Variants in PAK5 observed in about 807,000 individuals in gnomAD.
PAK5 encodes p21 (RAC1) activated kinase 5.
A neutral mutation model predicts 65.9 loss-of-function variants in PAK5; 16 were observed. That is an observed-to-expected ratio of 0.24 (90% confidence interval 0.16 to 0.37). The LOEUF is 0.37. PAK5 is among the 10% of genes least tolerant of loss of function. The probability of loss-of-function intolerance (pLI) is 1.00; values close to 1 mark genes in which losing one functional copy is unlikely to be tolerated. For missense variants in PAK5, 785 were observed against 903.9 expected (o/e 0.87, Z 1.69); for synonymous variants, 371 against 354.9 (o/e 1.05, Z -0.51).
At chr20:9,690,157 AAAG>A (rs2047772947) in intron 2 of PAK5, among the ~76,000 whole-genome samples, 1 of 152,206 alleles carries the variant, frequency 6.6e-6, no homozygotes, top group Admixed American at 6.5e-5. Flanking sequence ...TCAGAAAGGC[AAAG>A]GAGAGTGGTG....
At chr20:9,750,953 C>T (rs2123617038) in intron 1 of PAK5, among the ~76,000 whole-genome samples, 1 of 152,256 alleles carries the variant, frequency 6.6e-6, no homozygotes, top group East Asian at 1.9e-4. Flanking sequence ...CCCTAGCTAC[C>T]AAGAAAGTTG....
intron 1 of PAK5, among the ~76,000 whole-genome samples, chr20:9,824,040 A>T (rs1180032183): frequency 6.6e-6 from 1 of 152,246 alleles, no homozygotes; most frequent in Non-Finnish European, 1.5e-5. Context: ...AAAACATATA[A>T]CACAATATCT....
chr20:9,687,085 G>A (rs540810626), intron 2 of PAK5, among the ~76,000 whole-genome samples: 2 of 152,258 alleles, frequency 1.3e-5, no homozygotes, highest in East Asian at 3.9e-4. Context: ...GCTGCTCTTG[G>A]GGACTGTGTT....
intron 6 of PAK5, among the ~76,000 whole-genome samples, chr20:9,561,938 A>G (rs2045597140): frequency 6.6e-6 from 1 of 152,152 alleles, no homozygotes. Flanking sequence ...GCAGAATCTT[A>G]CACCCTCTCT....
chr20:9,609,954 G>A (rs574579680), intron 3 of PAK5, among the ~76,000 whole-genome samples: 1 of 151,628 alleles, frequency 6.6e-6, no homozygotes, highest in South Asian at 2.1e-4. Flanking sequence ...GTGCCAAATG[G>A]TACTTTTCCT....
chr20:9,572,028 T>C (rs2045795615), intron 4 of PAK5, among the ~76,000 whole-genome samples: 1 of 149,472 alleles, frequency 6.7e-6, no homozygotes, highest in Non-Finnish European at 1.5e-5. Flanking sequence ...TGATGGATGA[T>C]AATGTCTAGG....
intron 1 of PAK5, among the ~76,000 whole-genome samples, chr20:9,760,930 T>C (rs1469944300): frequency 6.6e-6 from 1 of 152,144 alleles, no homozygotes; most frequent in Non-Finnish European, 1.5e-5. Flanking sequence ...TGCTTCAGCC[T>C]CCCAAAGTGA....
chr20:9,607,236 T>G (rs1010755544), intron 3 of PAK5, among the ~76,000 whole-genome samples: 5 of 152,188 alleles, frequency 3.3e-5, no homozygotes, highest in African/African-American at 1.2e-4. Flanking sequence ...CTGATAGTCC[T>G]GCCAAAGGTG....
At chr20:9,621,756 T>C (rs73247454) in intron 3 of PAK5, among the ~76,000 whole-genome samples, 1,698 of 151,994 alleles carry the variant, frequency 0.011, 30 homozygotes, top group African/African-American at 0.039. Context: ...ATCCAGAGAG[T>C]GCTCACAGCC....
intron 2 of PAK5, among the ~76,000 whole-genome samples, chr20:9,706,691 A>G (rs1446146938): frequency 1.3e-5 from 2 of 149,860 alleles, no homozygotes; most frequent in Non-Finnish European, 3.0e-5. Flanking sequence ...TTTGTTTTGT[A>G]GAGATGGGGT....
intron 2 of PAK5, among the ~76,000 whole-genome samples, chr20:9,703,710 C>T (rs1306222245): frequency 1.3e-5 from 2 of 151,832 alleles, no homozygotes; most frequent in African/African-American, 4.8e-5. Context: ...TGGTGCCATC[C>T]CCAGTGAAGT....
intron 1 of PAK5, among the ~76,000 whole-genome samples, chr20:9,725,460 T>C (rs2048265406): frequency 1.3e-5 from 2 of 152,066 alleles, no homozygotes; most frequent in South Asian, 4.1e-4. Context: ...GAATGGAACA[T>C]GAAAAAACAA....
At chr20:9,783,615 G>T (rs2223569) in intron 1 of PAK5, among the ~76,000 whole-genome samples, 116,179 of 152,070 alleles carry the variant, frequency 0.76, 44,490 homozygotes, top group African/African-American at 0.82. Context: ...TTGTTTCTCC[G>T]AGGAAGATAT....
rs146442682 is a variant in PAK5, at chr20:9,749,130, G to C, written c.-161-37695C>G. 9.9e-4 allele frequency among the ~76,000 whole-genome samples: 150 copies of C among 152,098 alleles called. 1 individual carries two copies. Among genetic ancestry groups the C allele is most frequent in the African/African-American group, 3.6e-3 (148 of 41,512 alleles). On this transcript the variant is annotated intron_variant, in intron 1 of 9. Transcript: ENST00000353224. Reference sequence around the variant, plus strand: ...GCAATTAAGAAATAACCCCATAGCTGTGCACAAAAAAACTCAGTATCTTAC... The same window carrying C: ...GCAATTAAGAAATAACCCCATAGCTCTGCACAAAAAAACTCAGTATCTTAC...
chr20:9,805,744 G>A (rs1246717421), intron 1 of PAK5, among the ~76,000 whole-genome samples: 1 of 152,118 alleles, frequency 6.6e-6, no homozygotes, highest in Non-Finnish European at 1.5e-5. Flanking sequence ...AGGAGAGAGT[G>A]GAAAGTTTCT....
intron 2 of PAK5, among the ~76,000 whole-genome samples, chr20:9,650,685 A>G (rs2047191752): frequency 6.6e-6 from 1 of 152,032 alleles, no homozygotes; most frequent in Admixed American, 6.6e-5. Flanking sequence ...TATATGTGCT[A>G]GGTAAACCCT....
chr20:9,568,245 C>T (rs1480885127), intron 4 of PAK5, among the ~76,000 whole-genome samples: 1 of 152,014 alleles, frequency 6.6e-6, no homozygotes, highest in Non-Finnish European at 1.5e-5. Flanking sequence ...AACAGGGATG[C>T]CAGCAGCTTA....
At chr20:9,612,413 A>G (rs954676484) in intron 3 of PAK5, among the ~76,000 whole-genome samples, 3 of 152,208 alleles carry the variant, frequency 2.0e-5, no homozygotes, top group African/African-American at 7.2e-5. Context: ...TACAGGAAGC[A>G]TAAGTCTGGC....
intron 3 of PAK5, among the ~76,000 whole-genome samples, chr20:9,619,449 C>A (rs1319977541): frequency 6.6e-6 from 1 of 152,172 alleles, no homozygotes; most frequent in Non-Finnish European, 1.5e-5. Context: ...TTTTCACTGC[C>A]CAATACTCTC....
Sources: gnomAD v4.1 joint callset for allele counts (sites outside exome capture counted in the v4.1 genomes callset) on GRCh38, gnomAD v4.1.1 for gene constraint, MANE v1.5 for transcripts, NCBI Gene and HGNC (gene_info 2026-07-23, HGNC 2026-07-21) for gene names.